Variants in CDH13 observed in about 807,000 individuals in gnomAD.
The protein encoded by CDH13 is cadherin-13.
Under a neutral mutation model 63.8 loss-of-function variants are expected in CDH13, and 24 were observed. The ratio of observed to expected loss-of-function variants is 0.38; its 90% CI spans 0.27 to 0.53. The LOEUF (loss-of-function observed/expected upper bound fraction) is 0.53. CDH13 is among the 20% of genes least tolerant of loss of function. CDH13 has a pLI of 0.85. For missense variants in CDH13, 1,049 were observed against 903.1 expected, an observed-to-expected ratio of 1.16 and a Z score of -2.07; for synonymous variants, 503 against 355.3, an observed-to-expected ratio of 1.42 and a Z score of -4.67.
intron 1 of CDH13, among the ~76,000 whole-genome samples, chr16:82,776,934 C>T (rs934239854): frequency 2.6e-5 from 4 of 152,166 alleles, no homozygotes; most frequent in Admixed American, 6.5e-5. Flanking sequence ...CTGCTATGTG[C>T]CAGATACTAT....
chr16:82,700,895 G>A (rs1393322746), intron 1 of CDH13, among the ~76,000 whole-genome samples: 1 of 135,396 alleles, frequency 7.4e-6, no homozygotes. Context: ...CAAAGAAAAG[G>A]CCATGTAATT....
chr16:82,703,981 C>G (rs1387399396), intron 1 of CDH13, among the ~76,000 whole-genome samples: 1 of 152,134 alleles, frequency 6.6e-6, no homozygotes, highest in African/African-American at 2.4e-5. Flanking sequence ...TTTGTGTTTT[C>G]AAGGCTTCGG....
In CDH13 at chr16:83,032,077, G is replaced by C; in HGVS notation, c.225G>C (p.Val75=). ...RYEVSSPYFK[V]NSDGGLVALR... ...AGGTCTCGAGCCCATACTTCAAGGTGAACAGCGATGGCGGCTTAGTTGCTC... is the reference window on the plus strand; with the variant it reads ...AGGTCTCGAGCCCATACTTCAAGGTCAACAGCGATGGCGGCTTAGTTGCTC... Residue 75 remains valine, a synonymous_variant, in exon 3 of 14, where the codon GTG becomes GTC. Transcript: ENST00000567109. 1.2e-6 allele frequency: 2 copies of C among 1,611,942 alleles called. No homozygotes were observed. The highest frequency in any genetic ancestry group is 1.7e-6 in the Non-Finnish European group (2 of 1,179,118).
intron 5 of CDH13, among the ~76,000 whole-genome samples, chr16:83,312,799 T>C (rs1034880787): frequency 1.3e-5 from 2 of 152,132 alleles, no homozygotes; most frequent in Non-Finnish European, 2.9e-5. Flanking sequence ...ATTGCAAATC[T>C]CCATGCAAAA....
At chr16:83,396,044 A>G (rs1295401385) in intron 6 of CDH13, among the ~76,000 whole-genome samples, 1 of 152,046 alleles carries the variant, frequency 6.6e-6, no homozygotes, top group Admixed American at 6.5e-5. Flanking sequence ...AACATGTGGT[A>G]TTTGGTTTTC....
At chr16:83,441,666 G>A (rs2072483713) in intron 6 of CDH13, among the ~76,000 whole-genome samples, 1 of 152,082 alleles carries the variant, frequency 6.6e-6, no homozygotes, top group Non-Finnish European at 1.5e-5. Context: ...ACTCACAGCT[G>A]CCACCAAGAT....
At chr16:83,553,697 C>T (rs2075552480) in intron 7 of CDH13, among the ~76,000 whole-genome samples, 1 of 152,204 alleles carries the variant, frequency 6.6e-6, no homozygotes, top group African/African-American at 2.4e-5. Flanking sequence ...GTTGGGATTA[C>T]AGGCACCCAC....
chr16:83,556,898 C>G (rs763546351), intron 7 of CDH13, among the ~76,000 whole-genome samples: 6 of 152,208 alleles, frequency 3.9e-5, no homozygotes, highest in Non-Finnish European at 8.8e-5. Flanking sequence ...ATCCCTGTGC[C>G]TCTGTCATCC....
At chr16:83,105,284 T>C (rs911181535) in intron 3 of CDH13, among the ~76,000 whole-genome samples, 1 of 152,240 alleles carries the variant, frequency 6.6e-6, no homozygotes, top group Non-Finnish European at 1.5e-5. Flanking sequence ...TTGTATTTGA[T>C]ACAAAGTCAA....
intron 1 of CDH13, among the ~76,000 whole-genome samples, chr16:82,721,694 C>G (rs753691853): frequency 6.6e-6 from 1 of 152,136 alleles, no homozygotes; most frequent in Non-Finnish European, 1.5e-5. Flanking sequence ...CCAGGTCATT[C>G]TGGTCTTTGT....
At chr16:83,432,253 G>T (rs765627798) in intron 6 of CDH13, among the ~76,000 whole-genome samples, 3 of 152,178 alleles carry the variant, frequency 2.0e-5, no homozygotes, top group Non-Finnish European at 4.4e-5. Flanking sequence ...AACATGAGCT[G>T]CTGGGACACC....
chr16:82,958,338 C>T (rs1184129625), intron 2 of CDH13, among the ~76,000 whole-genome samples: 6 of 152,104 alleles, frequency 3.9e-5, no homozygotes, highest in Non-Finnish European at 8.8e-5. Context: ...TTAAATTCCC[C>T]CATTTAAGCA....
intron 3 of CDH13, among the ~76,000 whole-genome samples, chr16:83,094,122 T>G (rs538793853): frequency 6.6e-6 from 1 of 152,268 alleles, no homozygotes; most frequent in South Asian, 2.1e-4. Flanking sequence ...AACAAATAGT[T>G]ACAAAATTCT....
At chr16:83,270,007 G>A (rs1010588656) in intron 5 of CDH13, among the ~76,000 whole-genome samples, 1 of 152,132 alleles carries the variant, frequency 6.6e-6, no homozygotes, top group African/African-American at 2.4e-5. Flanking sequence ...CACCTCCTGA[G>A]AAATAGATCT....
intron 10 of CDH13, among the ~76,000 whole-genome samples, chr16:83,699,360 A>G (rs1905867224): frequency 6.6e-6 from 1 of 152,250 alleles, no homozygotes. Context: ...GTCAGCTGGG[A>G]TCTGCCTGCC....
At chr16:82,889,411 C>T (rs562545363) in intron 2 of CDH13, among the ~76,000 whole-genome samples, 1 of 152,156 alleles carries the variant, frequency 6.6e-6, no homozygotes, top group African/African-American at 2.4e-5. Context: ...TGACTTAAGG[C>T]AACTCGCTTT....
At chr16:83,663,662 G>T (rs1054656174) in intron 8 of CDH13, among the ~76,000 whole-genome samples, 9 of 152,262 alleles carry the variant, frequency 5.9e-5, no homozygotes, top group Admixed American at 5.9e-4. Flanking sequence ...AATGGGAGAG[G>T]CATGCCCCAG....
intron 6 of CDH13, among the ~76,000 whole-genome samples, chr16:83,413,845 G>A (rs117413628): frequency 0.092 from 14,052 of 152,036 alleles, 859 homozygotes; most frequent in Non-Finnish European, 0.13. Flanking sequence ...AAAAAAATTT[G>A]CTAGGTGTGG....
intron 7 of CDH13, among the ~76,000 whole-genome samples, chr16:83,551,596 C>G (rs1187557072): frequency 2.0e-5 from 3 of 152,192 alleles, no homozygotes. Context: ...AATCTTTGCT[C>G]ATGTATTCAC....
Sources: allele counts gnomAD v4.1 joint callset (sites outside exome capture counted in the v4.1 genomes callset), GRCh38; gene constraint gnomAD v4.1.1; transcripts MANE v1.5; gene names NCBI Gene and HGNC (gene_info 2026-07-23, HGNC 2026-07-21).